Variants in TAFA5 observed in about 807,000 individuals in gnomAD.
The protein encoded by TAFA5 is TAFA chemokine like family member 5.
A neutral mutation model predicts 15.3 loss-of-function variants in TAFA5; 6 were observed. The observed-to-expected ratio is 0.39, with a 90% CI of 0.21 to 0.77. The LOEUF is 0.77. Among genes scored for constraint, TAFA5 ranks in the 30% least tolerant of loss-of-function variants. TAFA5 has a pLI of 0.41. For missense variants in TAFA5, 161 were observed against 193.1 expected, an observed-to-expected ratio of 0.83 and a Z score of 0.98; for synonymous variants, 103 against 80.7, an observed-to-expected ratio of 1.28 and a Z score of -1.48.
At chr22:48,719,344 A>G (rs190429473) in intron 3 of TAFA5, among the ~76,000 whole-genome samples, 1 of 152,340 alleles carries the variant, frequency 6.6e-6, no homozygotes, top group African/African-American at 2.4e-5. Flanking sequence ...CCTGGGCCAG[A>G]GCCCAGAGGC....
At chr22:48,516,283 A>G (rs867989625) in intron 1 of TAFA5, among the ~76,000 whole-genome samples, 24 of 152,234 alleles carry the variant, frequency 1.6e-4, no homozygotes, top group African/African-American at 5.5e-4. Flanking sequence ...TTTTTTAACT[A>G]CATATTAACG....
intron 1 of TAFA5, among the ~76,000 whole-genome samples, chr22:48,553,223 C>G (rs372809371): frequency 1.3e-5 from 2 of 152,160 alleles, no homozygotes; most frequent in Non-Finnish European, 2.9e-5. Flanking sequence ...ACAGGCCCCC[C>G]GCTCTGTGCC....
rs1039437177 is a variant in TAFA5, at chr22:48,566,410, T to C, written c.112+76706T>C. Among the ~76,000 whole-genome samples the C allele has an allele frequency of 6.6e-6, 1 of 151,426 alleles. No homozygotes were observed. The highest frequency in any genetic ancestry group is 6.6e-5 in the Admixed American group (1 of 15,194). On this transcript the variant is annotated intron_variant, in intron 1 of 3. Coordinates refer to ENST00000402357, the MANE Select transcript of TAFA5 (RefSeq NM_001082967.3). This position sits in a 1 kb window ranked among gnomAD's most constrained non-coding sequence, Gnocchi z 4.5. ...TGGTGAATGATGGGTAGATGGTAGG[T>C]GGATGGATGATGAATGGTAGATGGG...
chr22:48,559,985 C>A (rs1319298045), intron 1 of TAFA5, among the ~76,000 whole-genome samples: 1 of 152,134 alleles, frequency 6.6e-6, no homozygotes, highest in South Asian at 2.1e-4. Context: ...GGGTCCAGAC[C>A]CCCGTGGGTG....
In TAFA5 at chr22:48,514,162, CAT is replaced by C. The variant is rs139495390; in HGVS notation, c.112+24463_112+24464del. Among the ~76,000 whole-genome samples, 481 of 152,266 alleles carry C rather than the reference CAT, an allele frequency of 3.2e-3. 2 individuals carry two copies. The highest frequency in any genetic ancestry group is 5.5e-3 in the Non-Finnish European group (373 of 68,020). ...AGGCCCGGCCGCGGAGTTGCCGCTGCATATATGAGTGGGCTCGGGATGAAATG... is the reference window on the plus strand; with the variant it reads ...AGGCCCGGCCGCGGAGTTGCCGCTGCATATGAGTGGGCTCGGGATGAAATG... On this transcript the variant is annotated intron_variant, in intron 1 of 3. Transcript: ENST00000402357.
chr22:48,612,523 C>G (rs1273849209), intron 1 of TAFA5, among the ~76,000 whole-genome samples: 2 of 152,144 alleles, frequency 1.3e-5, no homozygotes, highest in African/African-American at 4.8e-5. Flanking sequence ...CCTGGACCCT[C>G]CAGCCCTCCC....
At chr22:48,640,468 G>T (rs571372116) in intron 1 of TAFA5, among the ~76,000 whole-genome samples, 1 of 152,212 alleles carries the variant, frequency 6.6e-6, no homozygotes, top group Non-Finnish European at 1.5e-5. Context: ...GCTGTCACGG[G>T]GAGTGTGCTT....
intron 1 of TAFA5, among the ~76,000 whole-genome samples, chr22:48,507,104 A>C (rs544333848): frequency 2.0e-5 from 3 of 151,874 alleles, no homozygotes; most frequent in Non-Finnish European, 4.4e-5. Context: ...CAGTTGGAGG[A>C]GAAGGAGGTG....
chr22:48,512,272 A>G (rs133513), intron 1 of TAFA5, among the ~76,000 whole-genome samples: 82,963 of 152,076 alleles, frequency 0.55, 24,088 homozygotes, highest in Middle Eastern at 0.75. Flanking sequence ...CAGAAAGGAA[A>G]GGATCATCTT....
intron 2 of TAFA5, among the ~76,000 whole-genome samples, chr22:48,682,813 C>T (rs130102): frequency 0.51 from 77,593 of 151,762 alleles, 21,024 homozygotes; most frequent in South Asian, 0.61. Context: ...TTTTTTTGTG[C>T]GTGTGTTTAT....
intron 1 of TAFA5, among the ~76,000 whole-genome samples, chr22:48,626,728 A>AT (rs1314354989): frequency 1.3e-5 from 2 of 152,200 alleles, no homozygotes; most frequent in Non-Finnish European, 2.9e-5. Context: ...TTCATAGAGT[A>AT]TGCATTTGAT....
At chr22:48,667,050 G>C (rs1927640509) in intron 2 of TAFA5, among the ~76,000 whole-genome samples, 2 of 151,674 alleles carry the variant, frequency 1.3e-5, no homozygotes, top group Admixed American at 1.3e-4. Flanking sequence ...GGGATTGAGG[G>C]GGAGGAGGGC....
chr22:48,636,985 G>T (rs117840786), intron 1 of TAFA5, among the ~76,000 whole-genome samples: 1,694 of 152,330 alleles, frequency 0.011, 10 homozygotes, highest in Non-Finnish European at 0.017. Flanking sequence ...GGGCAGTAGG[G>T]GCCCAAGTGA....
chr22:48,701,470 C>T (rs1030471348), intron 2 of TAFA5, among the ~76,000 whole-genome samples: 4 of 152,136 alleles, frequency 2.6e-5, no homozygotes, highest in African/African-American at 7.2e-5. Flanking sequence ...TGGGAGTCGG[C>T]GCAACCCTCA....
chr22:48,704,093 G>A lies in TAFA5; in HGVS notation c.263-3624G>A, dbSNP rs115857774. 3.4e-3 allele frequency among the ~76,000 whole-genome samples: 519 copies of A among 152,230 alleles called. 2 individuals carry two copies. The highest frequency in any genetic ancestry group is 0.012 in the African/African-American group (502 of 41,530). ...AGACTACCTTGGGCGCCATGGTACG[G>A]GGTGGATGGGAGCCCACGTGGGGAT... On this transcript the variant is annotated intron_variant, in intron 2 of 3. Transcript: ENST00000402357.
intron 1 of TAFA5, among the ~76,000 whole-genome samples, chr22:48,595,403 G>C: frequency 6.6e-6 from 1 of 152,258 alleles, no homozygotes; most frequent in Non-Finnish European, 1.5e-5. Context: ...GGAGGCAGCT[G>C]ACAGAGCAGG....
At chr22:48,673,164 C>T (rs931221854) in intron 2 of TAFA5, among the ~76,000 whole-genome samples, 1 of 152,248 alleles carries the variant, frequency 6.6e-6, no homozygotes, top group Non-Finnish European at 1.5e-5. Flanking sequence ...TCCCCTCCAT[C>T]ACCGTCATCT....
rs148469093 is a variant in TAFA5 at position 48,644,256 on chromosome 22, C to T, written c.113-2341C>T. Among the ~76,000 whole-genome samples, 203 of 152,292 alleles carry T rather than the reference C, an allele frequency of 1.3e-3. 1 individual carries two copies. Among genetic ancestry groups the T allele is most frequent in the East Asian group, 5.2e-3 (27 of 5,168 alleles). The stretch of plus-strand genomic sequence containing the variant: ...AGCGGGGGACCAGGGTTTTGCTCAT[C>T]GTGGGAGGGGCTTGCTGGTGGGGTT... On this transcript the variant is annotated intron_variant, in intron 1 of 3. Transcript: ENST00000402357.
chr22:48,691,007 G>A (rs578173345), intron 2 of TAFA5, among the ~76,000 whole-genome samples: 27 of 152,282 alleles, frequency 1.8e-4, no homozygotes, highest in African/African-American at 5.8e-4. Flanking sequence ...TCAGGAAGAT[G>A]CTTGACCCTC....
Sources: allele counts gnomAD v4.1 joint callset (sites outside exome capture counted in the v4.1 genomes callset), GRCh38; gene constraint gnomAD v4.1.1; non-coding constraint Gnocchi (gnomAD v3.1); transcripts MANE v1.5; gene names NCBI Gene and HGNC (gene_info 2026-07-23, HGNC 2026-07-21).